BLM: variants seen among roughly 807,000 people sequenced by gnomAD.
BLM encodes the protein BLM RecQ like helicase.
A neutral mutation model predicts 135.3 loss-of-function variants in BLM; 95 were observed. The observed-to-expected ratio is 0.70, with a 90% CI of 0.59 to 0.83. The LOEUF (loss-of-function observed/expected upper bound fraction) is 0.83. Among genes scored for constraint, BLM ranks in the 40% least tolerant of loss-of-function variants. BLM has a pLI of 0.00. For synonymous variants in BLM, 520 were observed against 589.2 expected (o/e 0.88, Z 1.70); for missense variants, 1,518 against 1,663.9 (o/e 0.91, Z 1.53).
chr15:90,728,376 G>A (rs1426948060), intron 1 of BLM, among the ~76,000 whole-genome samples: 3 of 151,710 alleles, frequency 2.0e-5, no homozygotes, highest in South Asian at 2.1e-4. Context: ...TTTGTTAGAT[G>A]TATTTTTAGG....
intron 1 of BLM, among the ~76,000 whole-genome samples, chr15:90,740,383 C>T (rs577431694): frequency 1.3e-4 from 20 of 152,286 alleles, no homozygotes; most frequent in African/African-American, 4.6e-4. Context: ...GGTTTCAAGG[C>T]TCGTCATTAC....
At chr15:90,799,706 G>C (rs1320254462) in intron 17 of BLM, among the ~76,000 whole-genome samples, 1 of 149,298 alleles carries the variant, frequency 6.7e-6, no homozygotes, top group Non-Finnish European at 1.5e-5. Flanking sequence ...ACATGTCAAA[G>C]AGGAAAAACT....
chr15:90,747,223 AAC>A (rs1364093761), intron 1 of BLM, among the ~76,000 whole-genome samples, 164 bp from the exon 2 acceptor site: 1 of 148,392 alleles, frequency 6.7e-6, no homozygotes, highest in African/African-American at 2.5e-5. Flanking sequence ...TAAATGTCAA[AAC>A]AGTCTATTGA....
chr15:90,733,168 A>G (rs1053470136), intron 1 of BLM, among the ~76,000 whole-genome samples: 3 of 152,222 alleles, frequency 2.0e-5, no homozygotes, highest in African/African-American at 7.2e-5. Flanking sequence ...AGAAATTACA[A>G]ATATACAGAA....
intron 10 of BLM, 124 bp from the exon 11 acceptor site, chr15:90,769,009 A>G: frequency 1.2e-6 from 1 of 867,148 alleles, no homozygotes; most frequent in South Asian, 1.4e-5. Flanking sequence ...TACAGGCGTG[A>G]GCCACCGCAC....
intron 4 of BLM, among the ~76,000 whole-genome samples, chr15:90,754,605 C>T (rs983810762): frequency 3.9e-5 from 6 of 152,054 alleles, no homozygotes; most frequent in African/African-American, 1.4e-4. Context: ...AGGACATAAT[C>T]GGAGATAATG....
chr15:90,724,531 A>AT (rs1894858003), intron 1 of BLM, among the ~76,000 whole-genome samples: 1 of 149,942 alleles, frequency 6.7e-6, no homozygotes, highest in Admixed American at 6.7e-5. Flanking sequence ...GTTAGTGCAG[A>AT]CCCCAAATGT....
intron 2 of BLM, 95 bp from the exon 3 acceptor site, chr15:90,749,272 T>C: frequency 1.2e-6 from 1 of 849,876 alleles, no homozygotes; most frequent in African/African-American, 1.7e-5. Context: ...ACAATTAATG[T>C]AACCTGTGTG....
Position 90,815,141 on chromosome 15 carries a change from A to C in BLM, c.4116A>C (p.Lys1372Asn), listed in dbSNP as rs753664070. 6 of 1,614,160 alleles carry C rather than the reference A, an allele frequency of 3.7e-6. 1 individual carries two copies. In the Admixed American group the frequency reaches 1.0e-4, roughly 27 times the overall value. The change falls in exon 22 of 22, where the codon AAA (lysine) becomes AAC (asparagine). Residue 1372 changes from lysine (K) to asparagine (N), a missense_variant. By Grantham distance (94) the Lys-to-Asn change is moderately conservative. Around this residue, in one of 5 missense-constraint regions of BLM, gnomAD observed 153 missense variants for 173.4 expected, o/e 0.88. Transcript: ENST00000355112. The surrounding 1 kb of genome is among the most constrained non-coding windows in gnomAD (Gnocchi z 4.6). ...ATCRKISSKT[K>N]SSSIIGSSSA... is the part of the protein sequence containing the mutation. ...GTAGAAAGATATCTTCCAAAACGAA[A>C]TCCTCCAGCATCATTGGATCCAGTT...
chr15:90,746,360 A>T (rs1201212578), intron 1 of BLM, among the ~76,000 whole-genome samples: 1 of 152,198 alleles, frequency 6.6e-6, no homozygotes, highest in Non-Finnish European at 1.5e-5. Context: ...AACTAGCTAT[A>T]TTACCTAAAG....
intron 10 of BLM, 24 bp from the exon 11 acceptor site, chr15:90,769,109 A>G: frequency 2.0e-6 from 3 of 1,518,062 alleles, no homozygotes; most frequent in South Asian, 1.1e-5. Context: ...GTGTTTTTAC[A>G]TGTCTAATGT....
intron 7 of BLM, among the ~76,000 whole-genome samples, chr15:90,761,555 C>T (rs1567041701): frequency 6.6e-6 from 1 of 151,988 alleles, no homozygotes. Flanking sequence ...CTCATGAGGG[C>T]CAAGTTTTTA....
At chr15:90,805,340 G>A (rs142786301) in intron 19 of BLM, among the ~76,000 whole-genome samples, 1,943 of 152,080 alleles carry the variant, frequency 0.013, 18 homozygotes, top group Middle Eastern at 0.027. Flanking sequence ...AATGGTGGGT[G>A]CATGCCTGTA....
chr15:90,785,177 G>T, intron 14 of BLM, 96 bp downstream of exon 14: 2 of 1,310,004 alleles, frequency 1.5e-6, no homozygotes, highest in East Asian at 5.0e-5. Flanking sequence ...TTACCTTGAA[G>T]GTAGTAAACA....
intron 12 of BLM, among the ~76,000 whole-genome samples, chr15:90,774,724 C>T (rs1476123165): frequency 1.3e-5 from 2 of 150,104 alleles, no homozygotes; most frequent in Non-Finnish European, 2.9e-5. Context: ...GTCGCAGCTA[C>T]TCGGGAGGCT....
At chr15:90,802,786 A>T (rs1325511077) in intron 17 of BLM, among the ~76,000 whole-genome samples, 2 of 152,106 alleles carry the variant, frequency 1.3e-5, no homozygotes, top group African/African-American at 4.8e-5. Flanking sequence ...TCTACAAAAA[A>T]ATTAAATATT....
Position 90,750,074 on chromosome 15 carries a change from A to G in BLM, c.799+7A>G, listed in dbSNP as rs1596219393. The G allele has an allele frequency of 1.2e-6, 2 of 1,612,092 alleles. No homozygotes were observed. Among genetic ancestry groups the G allele is most frequent in the East Asian group, 2.2e-5 (1 of 44,868 alleles). ...CATTTGGAAGATGAAAGAGGTAACA[A>G]TTATTTTATCTTCATTTTAGTATGT... On this transcript the variant is annotated splice_region_variant and intron_variant, in intron 3 of 21. Coordinates refer to ENST00000355112, the MANE Select transcript of BLM (RefSeq NM_000057.4).
chr15:90,812,046 A>C (rs937324193), intron 21 of BLM, among the ~76,000 whole-genome samples: 1 of 152,186 alleles, frequency 6.6e-6, no homozygotes, highest in East Asian at 1.9e-4. Context: ...TGTTCTTCTT[A>C]AGAGACTTTT....
In BLM at chr15:90,769,464, C is replaced by G; in HGVS notation, c.2433C>G (p.Tyr811Ter). ...GGGGACATGATTTTCGTCAAGATTA[C>G]AAAAGAATGAATATGCTTCGCCAGA... The part of the protein sequence containing the change: ...SQWGHDFRQD[Y>*]KRMNMLRQKF... Residue 811 changes from tyrosine to a stop codon, truncating the protein, a stop_gained, in exon 12 of 22, where the codon TAC (tyrosine) becomes TAG (stop). Transcript: ENST00000355112. LOFTEE classifies it high-confidence loss of function. 1 of 1,614,064 alleles carries G rather than the reference C, an allele frequency of 6.2e-7. No individual in the cohort carries two copies. Among genetic ancestry groups the G allele is most frequent in the Non-Finnish European group, 8.5e-7 (1 of 1,179,998 alleles).
Sources: allele counts gnomAD v4.1 joint callset (sites outside exome capture counted in the v4.1 genomes callset), GRCh38; gene constraint gnomAD v4.1.1; regional missense constraint gnomAD v4.1.1; non-coding constraint Gnocchi (gnomAD v3.1); transcripts MANE v1.5; gene names NCBI Gene and HGNC (gene_info 2026-07-23, HGNC 2026-07-21).